ANKRD12: variants seen among roughly 807,000 people sequenced by gnomAD.
The protein encoded by ANKRD12 is ankyrin repeat domain 12.
A neutral mutation model predicts 183.4 loss-of-function variants in ANKRD12; 85 were observed. The observed-to-expected ratio is 0.46, with a 90% CI of 0.39 to 0.56. The LOEUF (loss-of-function observed/expected upper bound fraction) is 0.56, where lower values mean the gene tolerates loss of function less well. Ranked by LOEUF, ANKRD12 falls within the 20% of genes least tolerant of loss-of-function variation. The pLI is 0.00. For missense variants in ANKRD12, 2,405 were observed against 2,357.1 expected, an observed-to-expected ratio of 1.02 and a Z score of -0.42; for synonymous variants, 914 against 800.2, an observed-to-expected ratio of 1.14 and a Z score of -2.40.
intron 9 of ANKRD12, chr18:9,259,959 A>G (rs1317790684): frequency 6.6e-6 from 1 of 152,210 alleles, no homozygotes; most frequent in Non-Finnish European, 1.5e-5. Context: ...GTTATTTTAT[A>G]CAGCTGCAAA....
chr18:9,272,132 G>T lies in ANKRD12; in HGVS notation c.5764-3392G>T, dbSNP rs16954909. On this transcript the variant is annotated intron_variant, in intron 10 of 12. Coordinates refer to ENST00000262126, the MANE Select transcript of ANKRD12 (RefSeq NM_015208.5). Reference sequence around the variant, plus strand: ...TATCCTTAGAGGACACTGTTTGAGAGGCTCTGCTCTAGGGGTTTAAAAACA... The same window carrying T: ...TATCCTTAGAGGACACTGTTTGAGATGCTCTGCTCTAGGGGTTTAAAAACA... 6.2e-3 allele frequency among the ~76,000 whole-genome samples: 947 copies of T among 152,292 alleles called. 10 individuals are homozygous for T. Among genetic ancestry groups the T allele is most frequent in the African/African-American group, 0.021 (889 of 41,558 alleles).
intron 1 of ANKRD12, among the ~76,000 whole-genome samples, chr18:9,178,997 A>C (rs2033501530): frequency 6.6e-6 from 1 of 152,190 alleles, no homozygotes; most frequent in Non-Finnish European, 1.5e-5. Flanking sequence ...ATGTATTCTT[A>C]CACATATTTT....
rs140908292 is a variant in ANKRD12, at chr18:9,233,704, T to G, written c.943+11705T>G. Among the ~76,000 whole-genome samples the G allele has an allele frequency of 7.7e-4, 118 of 152,302 alleles. 1 individual carries two copies. Among genetic ancestry groups the G allele is most frequent in the African/African-American group, 2.6e-3 (109 of 41,570 alleles). Reference sequence around the variant, plus strand: ...CTATAAACAATGTCATTGGTATCTGTGATTTACTTGGTTGTTTAGGGTGCA... The same window carrying G: ...CTATAAACAATGTCATTGGTATCTGGGATTTACTTGGTTGTTTAGGGTGCA... On this transcript the variant is annotated intron_variant, in intron 8 of 12. Coordinates refer to ENST00000262126, the MANE Select transcript of ANKRD12 (RefSeq NM_015208.5).
intron 1 of ANKRD12, among the ~76,000 whole-genome samples, chr18:9,138,208 C>T (rs548408646): frequency 6.6e-6 from 1 of 152,176 alleles, no homozygotes; most frequent in Non-Finnish European, 1.5e-5. Context: ...CGTAAATTAA[C>T]TGTGTATTAA....
rs1018878531 is a variant in ANKRD12 at position 9,283,947 on chromosome 18, A to T, written c.*2821A>T. The T allele has an allele frequency of 6.6e-6, 1 of 152,240 alleles. No homozygotes were observed. Among genetic ancestry groups the T allele is most frequent in the Non-Finnish European group, 1.5e-5 (1 of 68,032 alleles). 9.4% of individuals were successfully genotyped at this position (152,240 alleles called of 1,614,324 possible). On this transcript the variant is annotated 3_prime_UTR_variant, in exon 13 of 13. Transcript: ENST00000262126. ...TTAAGTACAGGCATACCTCAGACGT[A>T]CTTTAGGTTCCAGACCATCTCAGTA...
chr18:9,206,267 T>C (rs1419036599), intron 4 of ANKRD12, among the ~76,000 whole-genome samples: 2 of 152,092 alleles, frequency 1.3e-5, no homozygotes, highest in African/African-American at 4.8e-5. Context: ...TTCTTGTCTA[T>C]TATTAGGGCA....
At chr18:9,262,714 C>T (rs1272104457) in intron 9 of ANKRD12, among the ~76,000 whole-genome samples, 2 of 146,210 alleles carry the variant, frequency 1.4e-5, no homozygotes, top group Non-Finnish European at 3.0e-5. Context: ...CTCCTAGTCT[C>T]AAGCAATCCT....
At chr18:9,176,407 C>A (rs2033270908) in intron 1 of ANKRD12, among the ~76,000 whole-genome samples, 1 of 152,044 alleles carries the variant, frequency 6.6e-6, no homozygotes, top group Non-Finnish European at 1.5e-5. Context: ...CTTCCCACCT[C>A]AGCCTCCCCA....
Position 9,256,456 on chromosome 18 carries a change from C to G in ANKRD12, c.3189C>G (p.Thr1063=), listed in dbSNP as rs746464899. 31 of 1,613,092 alleles carry G rather than the reference C, an allele frequency of 1.9e-5. 1 individual carries two copies. The Admixed American group carries it at 5.2e-4, about 27-fold the overall frequency. Residue 1063 remains threonine (T), a synonymous_variant, in exon 9 of 13, where the codon ACC becomes ACG. Coordinates refer to ENST00000262126, the MANE Select transcript of ANKRD12 (RefSeq NM_015208.5). The part of the protein sequence containing the change: ...KPKSSPASKD[T]RPKEKRLVND... ...AGTCATCACCAGCATCAAAAGATAC[C>G]CGACCTAAAGAAAAGAGGTTAGTGA... is the stretch of plus-strand genomic sequence containing the variant.
chr18:9,170,041 C>T (rs2032529556), intron 1 of ANKRD12, among the ~76,000 whole-genome samples: 1 of 152,136 alleles, frequency 6.6e-6, no homozygotes, highest in Non-Finnish European at 1.5e-5. Context: ...AATATTGGTC[C>T]CCACTCTCTT....
At chr18:9,242,659 C>A (rs547357412) in intron 8 of ANKRD12, among the ~76,000 whole-genome samples, 6 of 152,028 alleles carry the variant, frequency 3.9e-5, no homozygotes, top group African/African-American at 7.2e-5. Flanking sequence ...AGGAAAAATT[C>A]TTGATTGATT....
chr18:9,222,355 C>T (rs1029740307), intron 8 of ANKRD12, among the ~76,000 whole-genome samples: 1 of 152,174 alleles, frequency 6.6e-6, no homozygotes, highest in African/African-American at 2.4e-5. Context: ...ACTAACCAAA[C>T]ACTTCATGTC....
rs192272636 is a variant in ANKRD12 at position 9,166,835 on chromosome 18, G to A, written c.-51-15547G>A. On this transcript the variant is annotated intron_variant, in intron 1 of 12. Coordinates refer to ENST00000262126, the MANE Select transcript of ANKRD12 (RefSeq NM_015208.5). ...GGTATTGCCTAGCTTTTCTTCTAGG[G>A]TTTTTATGGTTTTAGGTCTAACATG... is the stretch of plus-strand genomic sequence containing the variant. Among the ~76,000 whole-genome samples, 1,494 of 152,234 alleles carry A rather than the reference G, an allele frequency of 9.8e-3. 14 individuals are homozygous for A. Among genetic ancestry groups the A allele is most frequent in the Non-Finnish European group, 0.011 (772 of 68,024 alleles).
chr18:9,233,597 A>G (rs1057452957), intron 8 of ANKRD12, among the ~76,000 whole-genome samples: 1 of 151,946 alleles, frequency 6.6e-6, no homozygotes, highest in African/African-American at 2.4e-5. Flanking sequence ...AGATTATATC[A>G]ATGGTGTTAG....
chr18:9,191,575 A>G (rs569873220), intron 2 of ANKRD12, among the ~76,000 whole-genome samples: 27 of 152,222 alleles, frequency 1.8e-4, no homozygotes, highest in African/African-American at 6.0e-4. Flanking sequence ...TTTATTCGTA[A>G]CAATGATTCA....
intron 11 of ANKRD12, among the ~76,000 whole-genome samples, chr18:9,277,346 T>TTA (rs2039894468): frequency 6.8e-6 from 1 of 146,534 alleles, no homozygotes. Flanking sequence ...TTTTTTTTTT[T>TTA]AAGCAGAGTC....
intron 6 of ANKRD12, among the ~76,000 whole-genome samples, chr18:9,213,684 T>A (rs1265095204): frequency 2.6e-5 from 4 of 151,992 alleles, no homozygotes; most frequent in African/African-American, 9.6e-5. Context: ...AAATTATTAT[T>A]TCTGGGTGGT....
intron 11 of ANKRD12, among the ~76,000 whole-genome samples, chr18:9,277,317 GTTTC>G (rs1427579902): frequency 2.9e-4 from 37 of 126,508 alleles, no homozygotes; most frequent in Middle Eastern, 4.0e-3. Flanking sequence ...GTGACACCCT[GTTTC>G]TTTTTTTTTT....
At position 9,149,431 on chromosome 18, in the gene ANKRD12, A is replaced by G. The variant is rs145627323; in HGVS notation, c.-52+12466A>G. On this transcript the variant is annotated intron_variant, in intron 1 of 12. Coordinates refer to ENST00000262126, the MANE Select transcript of ANKRD12 (RefSeq NM_015208.5). ...GTGTTTATTGAACATACTTTTCATG[A>G]TATCTATATTAAGGAAAGCGATGGT... 1.1e-4 allele frequency among the ~76,000 whole-genome samples: 16 copies of G among 152,296 alleles called. 1 individual carries two copies. The highest frequency in any genetic ancestry group is 3.6e-4 in the African/African-American group (15 of 41,568).
Sources: allele counts gnomAD v4.1 joint callset (sites outside exome capture counted in the v4.1 genomes callset), GRCh38; gene constraint gnomAD v4.1.1; transcripts MANE v1.5; gene names NCBI Gene and HGNC (gene_info 2026-07-23, HGNC 2026-07-21).